NCOR2: variants seen among roughly 807,000 people sequenced by gnomAD.
NCOR2 encodes CTG repeat protein 26.
A neutral mutation model predicts 262.9 loss-of-function variants in NCOR2; 81 were observed. The observed-to-expected ratio is 0.31, with a 90% confidence interval of 0.26 to 0.37. NCOR2 has a LOEUF of 0.37. Among genes scored for constraint, NCOR2 ranks in the 10% least tolerant of loss-of-function variants. The probability of loss-of-function intolerance (pLI) is 1.00; values close to 1 mark genes in which losing one functional copy is unlikely to be tolerated. For missense variants in NCOR2, 3,385 were observed against 3,621.4 expected (o/e 0.93, Z 1.68); for synonymous variants, 1,659 against 1,559.3 (o/e 1.06, Z -1.51).
intron 18 of NCOR2, among the ~76,000 whole-genome samples, chr12:124,375,893 G>A (rs2039955002): frequency 6.6e-6 from 1 of 152,202 alleles, no homozygotes; most frequent in African/African-American, 2.4e-5. Context: ...GGAGGGGCCT[G>A]CAGTGCCGCT....
rs1159529100 is a variant in NCOR2 at position 124,339,633 on chromosome 12, C to T, written c.5687+373G>A. Reference sequence around the variant, plus strand: ...CCACCTACCCACCTAACCCAACCACCTATCTGGCTAACCCGGCCATCTATC... The same window carrying T: ...CCACCTACCCACCTAACCCAACCACTTATCTGGCTAACCCGGCCATCTATC... On this transcript the variant is annotated intron_variant, in intron 37 of 46. Coordinates refer to ENST00000405201, the Ensembl canonical transcript of NCOR2. 2.1e-5 allele frequency among the ~76,000 whole-genome samples: 2 copies of T among 93,198 alleles called. 1 individual carries two copies. Among genetic ancestry groups the T allele is most frequent in the East Asian group, 5.3e-4 (2 of 3,780 alleles). The allele number at this position is 93,198 out of a possible 152,430, so 61.1% of individuals were successfully genotyped here.
Position 124,372,018 on chromosome 12 carries a change from T to C in NCOR2, c.2807+4A>G. ...AAGGTTAGGGCTGCCTGGCGCCCAC[T>C]CACCGGTTCTTGTCGCCGCCCTCGG... On this transcript the variant is annotated splice_donor_region_variant and intron_variant, in intron 20 of 46. Transcript: ENST00000405201. 6.3e-7 allele frequency: 1 copy of C among 1,580,868 alleles called. No homozygotes were observed. The highest frequency in any genetic ancestry group is 8.6e-7 in the Non-Finnish European group (1 of 1,164,824).
chr12:124,349,582 A>G (rs1225272365), intron 28 of NCOR2, among the ~76,000 whole-genome samples: 1 of 152,094 alleles, frequency 6.6e-6, no homozygotes, highest in African/African-American at 2.4e-5. Flanking sequence ...CATTCCCTAC[A>G]GTCCTCCCCA....
chr12:124,507,340 C>G (rs2049104817), intron 1 of NCOR2, among the ~76,000 whole-genome samples: 1 of 152,222 alleles, frequency 6.6e-6, no homozygotes, highest in South Asian at 2.1e-4. Flanking sequence ...AGGTAAATTT[C>G]ACATTATATG....
chr12:124,348,839 G>A (rs3782244), intron 28 of NCOR2: 51,905 of 161,164 alleles, frequency 0.32, 8,806 homozygotes, highest in East Asian at 0.47. Context: ...GCAGGAGCAC[G>A]CGTGTGCACC....
At chr12:124,508,407 G>A (rs537510613) in intron 1 of NCOR2, among the ~76,000 whole-genome samples, 1 of 152,348 alleles carries the variant, frequency 6.6e-6, no homozygotes, top group African/African-American at 2.4e-5. Flanking sequence ...GAGTGGCGAC[G>A]GCTGAAGCTA....
At chr12:124,551,879 G>T (rs1194114797) in intron 1 of NCOR2, among the ~76,000 whole-genome samples, 1 of 152,208 alleles carries the variant, frequency 6.6e-6, no homozygotes, top group Admixed American at 6.5e-5. Flanking sequence ...CTTGGGAAAG[G>T]CCGCGGCTCC....
chr12:124,356,714 C>A, exon 23 of NCOR2: 1 of 1,494,810 alleles, frequency 6.7e-7, no homozygotes, highest in Non-Finnish European at 8.8e-7. Context: ...CGGGGGGGCA[C>A]GGGGAAGGGC....
At chr12:124,556,655 TTTGAG>T (rs999036702) in intron 1 of NCOR2, among the ~76,000 whole-genome samples, 19 of 149,828 alleles carry the variant, frequency 1.3e-4, no homozygotes, top group Admixed American at 2.0e-4. Flanking sequence ...AGGTCAGGAG[TTTGAG>T]ACCAGCCTGG....
chr12:124,361,367 G>A (rs1244068), intron 22 of NCOR2, among the ~76,000 whole-genome samples: 14,577 of 152,290 alleles, frequency 0.096, 1,580 homozygotes, highest in East Asian at 0.61. Flanking sequence ...CACCTGCTGC[G>A]TGCCAGGCTG....
Position 124,354,210 on chromosome 12 carries a change from G to T in NCOR2, c.3590-14C>A. The stretch of plus-strand genomic sequence containing the variant: ...CCAGAGCTGTCCCTGGAAGACACAA[G>T]ATGTGGGGCTGAGGGCGTGTCTGTG... On this transcript the variant is annotated splice_polypyrimidine_tract_variant and intron_variant, in intron 26 of 46. Coordinates refer to ENST00000405201, the Ensembl canonical transcript of NCOR2. 1.9e-6 allele frequency: 3 copies of T among 1,582,534 alleles called. No individual in the cohort carries two copies. The highest frequency in any genetic ancestry group is 2.6e-6 in the Non-Finnish European group (3 of 1,167,806).
At chr12:124,520,948 G>C (rs1246216184) in intron 1 of NCOR2, among the ~76,000 whole-genome samples, 5 of 152,174 alleles carry the variant, frequency 3.3e-5, no homozygotes, top group Admixed American at 6.5e-5. Flanking sequence ...GTGGGCCAAA[G>C]GGGGTCTGGA....
chr12:124,399,106 C>T (rs144782525), intron 15 of NCOR2, among the ~76,000 whole-genome samples: 25 of 152,134 alleles, frequency 1.6e-4, no homozygotes, highest in Non-Finnish European at 3.4e-4. Context: ...TGAGGAGTGG[C>T]GGAAGGTTCC....
intron 20 of NCOR2, among the ~76,000 whole-genome samples, chr12:124,367,986 C>A (rs2039172485): frequency 6.6e-6 from 1 of 152,206 alleles, no homozygotes; most frequent in South Asian, 2.1e-4. Context: ...TTTCTGGCGG[C>A]CTGGGTGGGG....
intron 16 of NCOR2, among the ~76,000 whole-genome samples, chr12:124,391,568 G>A (rs998743071): frequency 3.3e-5 from 5 of 152,138 alleles, no homozygotes; most frequent in African/African-American, 4.8e-5. Flanking sequence ...GCACTCCTGC[G>A]TGTCTTGTCA....
chr12:124,466,738 T>A (rs1053440234), intron 4 of NCOR2, among the ~76,000 whole-genome samples: 2 of 151,998 alleles, frequency 1.3e-5, no homozygotes, highest in Non-Finnish European at 2.9e-5. Context: ...CTGTGCAGAC[T>A]CCACAGCTGC....
intron 34 of NCOR2, 109 bp downstream of exon 36, chr12:124,341,714 G>T: frequency 6.8e-7 from 1 of 1,478,626 alleles, no homozygotes; most frequent in South Asian, 1.3e-5. Flanking sequence ...CACACAAGGT[G>T]ACCCACAAGG....
chr12:124,467,022 C>T (rs1309353526), intron 4 of NCOR2, among the ~76,000 whole-genome samples: 1 of 127,160 alleles, frequency 7.9e-6, no homozygotes, highest in Admixed American at 8.0e-5. Flanking sequence ...CCTCACTACC[C>T]CCATCATCCT....
intron 1 of NCOR2, among the ~76,000 whole-genome samples, chr12:124,516,383 G>T (rs1054531514): frequency 1.4e-4 from 21 of 152,194 alleles, no homozygotes; most frequent in African/African-American, 4.1e-4. Context: ...AGGCAGGCAT[G>T]GGGGGAGACC....
Sources: gnomAD v4.1 joint callset for allele counts (sites outside exome capture counted in the v4.1 genomes callset) on GRCh38, gnomAD v4.1.1 for gene constraint, MANE v1.5 for transcripts, NCBI Gene and HGNC (gene_info 2026-07-23, HGNC 2026-07-21) for gene names.